CREBRF: variants seen among roughly 807,000 people sequenced by gnomAD.
CREBRF encodes the protein UPF0474 protein C5orf41.
Under a neutral mutation model 66.1 loss-of-function variants are expected in CREBRF, and 5 were observed. The observed-to-expected ratio is 0.08, with a 90% CI of 0.04 to 0.16. The LOEUF (loss-of-function observed/expected upper bound fraction) is 0.16, where lower values mean the gene tolerates loss of function less well. Among genes scored for constraint, CREBRF ranks in the 10% least tolerant of loss-of-function variants. CREBRF has a pLI of 1.00. For missense variants in CREBRF, 531 were observed against 744.9 expected, an observed-to-expected ratio of 0.71 and a Z score of 3.34; for synonymous variants, 229 against 264.4, an observed-to-expected ratio of 0.87 and a Z score of 1.30.
intron 1 of CREBRF, among the ~76,000 whole-genome samples, chr5:173,067,182 G>T (rs573769749): frequency 6.6e-6 from 1 of 152,142 alleles, no homozygotes; most frequent in East Asian, 1.9e-4. Context: ...TTTATCAGTG[G>T]GTAGACATTT....
At chr5:173,056,565 G>A (rs1252223722) in intron 1 of CREBRF, 86 bp downstream of exon 1, 2 of 396,176 alleles carry the variant, frequency 5.0e-6, no homozygotes, top group Non-Finnish European at 8.9e-6. Flanking sequence ...CGCTTGCCTA[G>A]GAGGCAGCAG....
At chr5:173,095,441 G>A (rs188775754) in intron 4 of CREBRF, among the ~76,000 whole-genome samples, 6 of 151,956 alleles carry the variant, frequency 3.9e-5, no homozygotes, top group East Asian at 1.9e-4. Context: ...TGCCAGCCTC[G>A]GCCTCCCAAA....
intron 8 of CREBRF, among the ~76,000 whole-genome samples, chr5:173,132,647 T>C (rs1187604190): frequency 2.2e-5 from 3 of 136,354 alleles, no homozygotes; most frequent in Non-Finnish European, 3.1e-5. Flanking sequence ...TTGCCCAGGC[T>C]GGGGTGCAGT....
intron 1 of CREBRF, among the ~76,000 whole-genome samples, chr5:173,064,645 A>T (rs1349170154): frequency 2.7e-5 from 4 of 148,970 alleles, no homozygotes; most frequent in African/African-American, 1.0e-4. Flanking sequence ...GCTTACTGCA[A>T]CCTCCACCTC....
chr5:173,112,361 G>T lies in CREBRF; in HGVS notation c.1663G>T (p.Gly555Cys). 1 of 1,599,372 alleles carries T rather than the reference G, an allele frequency of 6.3e-7. No homozygotes were observed. Among genetic ancestry groups the T allele is most frequent in the Non-Finnish European group, 8.5e-7 (1 of 1,171,602 alleles). The change falls in exon 7 of 9, where the codon GGC becomes TGC. Residue 555 changes from glycine to cysteine, a missense_variant. Transcript: ENST00000296953. Reference protein sequence around the residue: ...QYEANKVKLWGLNTEYDNLLF... With the variant: ...QYEANKVKLWCLNTEYDNLLF... The stretch of plus-strand genomic sequence containing the variant: ...TGAAGCTAATAAAGTGAAATTATGG[G>T]GCCTCAACACAGAATATGGTAAACC...
chr5:173,086,810 T>A (rs932738300), intron 3 of CREBRF, among the ~76,000 whole-genome samples, 184 bp downstream of exon 3: 1 of 152,202 alleles, frequency 6.6e-6, no homozygotes. Context: ...GGAGTCTCAC[T>A]CTGTTTCTCA....
chr5:173,062,821 C>T, intron 1 of CREBRF, among the ~76,000 whole-genome samples: 1 of 147,776 alleles, frequency 6.8e-6, no homozygotes. Context: ...GATCTCGCCT[C>T]ACTGCAAGCT....
intron 4 of CREBRF, chr5:173,091,619 G>A: frequency 2.4e-6 from 3 of 1,245,554 alleles, no homozygotes; most frequent in Non-Finnish European, 3.0e-6. Context: ...ATTCCTTGAG[G>A]GCTTATTTTT....
chr5:173,066,382 T>C (rs1167418491), intron 1 of CREBRF, among the ~76,000 whole-genome samples: 1 of 152,210 alleles, frequency 6.6e-6, no homozygotes, highest in African/African-American at 2.4e-5. Context: ...ACCTACAAAT[T>C]GTTTGATAAC....
chr5:173,084,925 G>A (rs1357370247), intron 2 of CREBRF, among the ~76,000 whole-genome samples: 2 of 151,052 alleles, frequency 1.3e-5, no homozygotes, highest in East Asian at 2.0e-4. Context: ...GATTACATGT[G>A]TGAGCCACTG....
chr5:173,120,860 A>C (rs1759123910), intron 7 of CREBRF, among the ~76,000 whole-genome samples: 1 of 150,930 alleles, frequency 6.6e-6, no homozygotes, highest in Admixed American at 6.6e-5. Flanking sequence ...AGCCCAGCTA[A>C]TTTTTATATT....
Position 173,080,629 on chromosome 5 carries a change from C to A in CREBRF, c.-147C>A. ...TTTTAAAAAAAAGCAGTGATCCAAG[C>A]AATTGAATTGGAAGCACTCTGGGGA... On this transcript the variant is annotated 5_prime_UTR_variant, in exon 2 of 9. Coordinates refer to ENST00000296953, the MANE Select transcript of CREBRF (RefSeq NM_153607.3). The A allele has an allele frequency of 1.5e-6, 1 of 686,712 alleles. No individual in the cohort carries two copies. The highest frequency in any genetic ancestry group is 2.5e-6 in the Non-Finnish European group (1 of 393,558). 42.5% of individuals were successfully genotyped at this position (686,712 alleles called of 1,614,324 possible). A position where few individuals can be genotyped will look rare whatever the true frequency, so the allele number is the denominator to read the frequency against.
intron 4 of CREBRF, among the ~76,000 whole-genome samples, chr5:173,103,881 T>A (rs546308662): frequency 6.6e-6 from 1 of 152,356 alleles, no homozygotes; most frequent in East Asian, 1.9e-4. Context: ...TTTTAGGCAG[T>A]AAATGTGGTA....
rs1051958515 is a variant in CREBRF at position 173,067,907 on chromosome 5, G to A, written c.-192+11428G>A. ...CCCAGCTACTCGGGAGGCTGAGGCA[G>A]GAGAATGGTGTGAACCCAGAAGGTG... On this transcript the variant is annotated intron_variant, in intron 1 of 8. Coordinates refer to ENST00000296953, the MANE Select transcript of CREBRF (RefSeq NM_153607.3). Among the ~76,000 whole-genome samples, 147 of 152,252 alleles carry A rather than the reference G, an allele frequency of 9.7e-4. 1 individual carries two copies. Among genetic ancestry groups the A allele is most frequent in the Non-Finnish European group, 1.5e-3 (105 of 68,012 alleles).
In CREBRF at chr5:173,076,362, A is replaced by C. The variant is rs78567735; in HGVS notation, c.-191-4223A>C. ...AACATGTTTTGGAGGGGACATTCAAACCGTAGCATCTTCCTTGCCTGTCTT... is the reference window on the plus strand; with the variant it reads ...AACATGTTTTGGAGGGGACATTCAACCCGTAGCATCTTCCTTGCCTGTCTT... On this transcript the variant is annotated intron_variant, in intron 1 of 8. Transcript: ENST00000296953. Among the ~76,000 whole-genome samples, 844 of 152,258 alleles carry C rather than the reference A, an allele frequency of 5.5e-3. 8 individuals carry two copies. Among genetic ancestry groups the C allele is most frequent in the Non-Finnish European group, 9.7e-3 (662 of 68,014 alleles).
intron 6 of CREBRF, among the ~76,000 whole-genome samples, chr5:173,111,295 G>T (rs1357065736): frequency 4.0e-5 from 6 of 150,180 alleles, no homozygotes; most frequent in African/African-American, 1.5e-4. Context: ...TTTTTTTTGA[G>T]ACAGAGTCTC....
At position 173,090,667 on chromosome 5, in the gene CREBRF, T is replaced by A; in HGVS notation, c.488T>A (p.Val163Asp). 6.2e-7 allele frequency: 1 copy of A among 1,614,166 alleles called. No individual in the cohort carries two copies. Among genetic ancestry groups the A allele is most frequent in the Non-Finnish European group, 8.5e-7 (1 of 1,180,024 alleles). ...SLYYPDSLFS[V>D]KQNPLPSSFP... ...TATTACCCCGATTCACTTTTCAGTG[T>A]CAAACAAAATCCCTTACCCTCTTCA... Residue 163 changes from valine to aspartate, a missense_variant, in exon 4 of 9, where the codon GTC (valine) becomes GAC (aspartate). Physicochemically the swap from Val to Asp is radical, Grantham distance 152. Transcript: ENST00000296953. This position sits in a 1 kb window ranked among gnomAD's most constrained non-coding sequence, Gnocchi z 4.5.
intron 4 of CREBRF, among the ~76,000 whole-genome samples, chr5:173,096,249 G>T (rs1239809350): frequency 6.6e-6 from 1 of 152,098 alleles, no homozygotes; most frequent in East Asian, 1.9e-4. Flanking sequence ...GATTACAGGC[G>T]TGAGCCACTG....
intron 1 of CREBRF, among the ~76,000 whole-genome samples, chr5:173,066,805 A>T (rs1757447723): frequency 7.3e-6 from 1 of 136,106 alleles, no homozygotes; most frequent in African/African-American, 2.7e-5. Context: ...ATATTCATTG[A>T]ATCTTTTTTT....
Sources: gnomAD v4.1 joint callset for allele counts (sites outside exome capture counted in the v4.1 genomes callset) on GRCh38, gnomAD v4.1.1 for gene constraint, Gnocchi (gnomAD v3.1) non-coding constraint, MANE v1.5 for transcripts, NCBI Gene and HGNC (gene_info 2026-07-23, HGNC 2026-07-21) for gene names.